KPNA6: variants seen among roughly 807,000 people sequenced by gnomAD.
The protein encoded by KPNA6 is karyopherin subunit alpha 6.
KPNA6 carries 9 observed loss-of-function variants against 72.0 expected under a neutral mutation model. The observed-to-expected ratio is 0.13, with a 90% confidence interval of 0.08 to 0.22. The LOEUF (loss-of-function observed/expected upper bound fraction) is 0.22, where lower values mean the gene tolerates loss of function less well. KPNA6 is among the 10% of genes least tolerant of loss of function. KPNA6 has a pLI of 1.00. For synonymous variants in KPNA6, 219 were observed against 242.1 expected, an observed-to-expected ratio of 0.90 and a Z score of 0.89; for missense variants, 374 against 655.7, an observed-to-expected ratio of 0.57 and a Z score of 4.69.
At chr1:32,129,679 C>T (rs896724053) in intron 1 of KPNA6, among the ~76,000 whole-genome samples, 3 of 152,072 alleles carry the variant, frequency 2.0e-5, no homozygotes, top group African/African-American at 4.8e-5. Context: ...CCTTAGCTTC[C>T]CAAGTAGCTG....
At chr1:32,111,257 C>T (rs1641239686) in intron 1 of KPNA6, among the ~76,000 whole-genome samples, 1 of 152,092 alleles carries the variant, frequency 6.6e-6, no homozygotes, top group Non-Finnish European at 1.5e-5. Flanking sequence ...ATAACACAGC[C>T]AGTAAGCCAC....
At chr1:32,137,711 A>G (rs1004225660) in intron 1 of KPNA6, among the ~76,000 whole-genome samples, 2 of 152,192 alleles carry the variant, frequency 1.3e-5, no homozygotes, top group South Asian at 2.1e-4. Context: ...GGTGTAAACT[A>G]AAATTTATTG....
At position 32,171,051 on chromosome 1, in the gene KPNA6, G is replaced by A; in HGVS notation, c.*157G>A. 1.6e-6 allele frequency: 1 copy of A among 642,162 alleles called. No homozygotes were observed. Among genetic ancestry groups the A allele is most frequent in the Non-Finnish European group, 2.7e-6 (1 of 371,834 alleles). The allele number at this position is 642,162 out of a possible 1,614,324, so 39.8% of individuals were successfully genotyped here. ...TTGACCTGCTCCGCCCCCTTCCCTGGAGGGAGCACCCTCTGGACAGACAGA... is the reference window on the plus strand; with the variant it reads ...TTGACCTGCTCCGCCCCCTTCCCTGAAGGGAGCACCCTCTGGACAGACAGA... On this transcript the variant is annotated 3_prime_UTR_variant, in exon 14 of 14. Coordinates refer to ENST00000373625, the MANE Select transcript of KPNA6 (RefSeq NM_012316.5).
At chr1:32,159,811 T>C (rs533220872) in intron 6 of KPNA6, among the ~76,000 whole-genome samples, 30 of 152,242 alleles carry the variant, frequency 2.0e-4, no homozygotes, top group African/African-American at 7.2e-4. Context: ...GGGTGGTTGA[T>C]GTGGAAAAAA....
At chr1:32,157,824 T>C (rs1214006563) in intron 4 of KPNA6, among the ~76,000 whole-genome samples, 1 of 152,206 alleles carries the variant, frequency 6.6e-6, no homozygotes, top group African/African-American at 2.4e-5. Context: ...TGTTCCCTCC[T>C]GTGTCCTCTG....
At position 32,170,926 on chromosome 1, in the gene KPNA6, A is replaced by C. The variant is rs375066203; in HGVS notation, c.*32A>C. ...CCTCCAGGGAGGGGAGGGGATGGGAAGCACCACCAGCCAGCGGAAGAGCAG... is the reference window on the plus strand; with the variant it reads ...CCTCCAGGGAGGGGAGGGGATGGGACGCACCACCAGCCAGCGGAAGAGCAG... On this transcript the variant is annotated 3_prime_UTR_variant, in exon 14 of 14. Coordinates refer to ENST00000373625, the MANE Select transcript of KPNA6 (RefSeq NM_012316.5). 1 of 1,597,600 alleles carries C rather than the reference A, an allele frequency of 6.3e-7. No homozygotes were observed. The highest frequency in any genetic ancestry group is 1.3e-5 in the African/African-American group (1 of 74,506).
At chr1:32,108,587 G>A (rs555610210) in intron 1 of KPNA6, among the ~76,000 whole-genome samples, 1 of 152,376 alleles carries the variant, frequency 6.6e-6, no homozygotes, top group Admixed American at 6.5e-5. Flanking sequence ...TACGTAGCGA[G>A]GTGGAGTCCT....
chr1:32,163,540 C>T (rs570653765), intron 10 of KPNA6, among the ~76,000 whole-genome samples: 6 of 152,242 alleles, frequency 3.9e-5, no homozygotes, highest in South Asian at 2.1e-4. Flanking sequence ...AACAAATCAT[C>T]GTCTAATGGG....
intron 7 of KPNA6, 101 bp from the exon 8 acceptor site, chr1:32,161,846 T>C: frequency 1.2e-6 from 1 of 831,228 alleles, no homozygotes; most frequent in Non-Finnish European, 2.0e-6. Flanking sequence ...AACAGGCTGC[T>C]AGAGTCTGAG....
intron 1 of KPNA6, among the ~76,000 whole-genome samples, chr1:32,148,363 C>T (rs1473718671): frequency 1.3e-5 from 2 of 151,810 alleles, no homozygotes; most frequent in African/African-American, 2.4e-5. Context: ...AGGCTGATCT[C>T]GAACTCCTGA....
At chr1:32,131,689 T>C (rs1404234878) in intron 1 of KPNA6, among the ~76,000 whole-genome samples, 1 of 147,550 alleles carries the variant, frequency 6.8e-6, no homozygotes, top group East Asian at 2.0e-4. Context: ...TGTGCGTGTG[T>C]ATATATATAT....
Position 32,171,855 on chromosome 1 carries a change from G to A in KPNA6, c.*961G>A, listed in dbSNP as rs1226805762. 2 of 152,132 alleles carry A rather than the reference G, an allele frequency of 1.3e-5. No individual in the cohort carries two copies. The highest frequency in any genetic ancestry group is 2.4e-5 in the African/African-American group (1 of 41,404). 9.4% of individuals were successfully genotyped at this position (152,132 alleles called of 1,614,324 possible). A position where few individuals can be genotyped will look rare whatever the true frequency, so the allele number is the denominator to read the frequency against. On this transcript the variant is annotated 3_prime_UTR_variant, in exon 14 of 14. Transcript: ENST00000373625. Reference sequence around the variant, plus strand: ...TTTTCTCCTAAGCTTGAGATAGGGGGCTGTGGTCCTTCCTTTCTCCTGAGG... The same window carrying A: ...TTTTCTCCTAAGCTTGAGATAGGGGACTGTGGTCCTTCCTTTCTCCTGAGG...
chr1:32,129,631 C>T (rs1482390869), intron 1 of KPNA6, among the ~76,000 whole-genome samples: 2 of 152,188 alleles, frequency 1.3e-5, no homozygotes, highest in African/African-American at 4.8e-5. Flanking sequence ...TCATAGCTCA[C>T]TGCAGCCTTG....
chr1:32,155,602 A>T lies in KPNA6; in HGVS notation c.138+881A>T, dbSNP rs1338993612. 1.4e-4 allele frequency among the ~76,000 whole-genome samples: 21 copies of T among 152,046 alleles called. 1 individual carries two copies. Among genetic ancestry groups the T allele is most frequent in the Admixed American group, 1.4e-3 (21 of 15,272 alleles). ...CGCCTCAGCCTCCCATAGTGCTGGG[A>T]TTACAGGCGTAAGCCACCACGCCCA... On this transcript the variant is annotated intron_variant, in intron 2 of 13. Coordinates refer to ENST00000373625, the MANE Select transcript of KPNA6 (RefSeq NM_012316.5).
intron 1 of KPNA6, among the ~76,000 whole-genome samples, chr1:32,134,637 CA>C (rs777730986): frequency 0.02 from 1,694 of 83,578 alleles, 14 homozygotes; most frequent in African/African-American, 0.062. Context: ...GAGTCTGTCT[CA>C]AAAAAAAAAA....
chr1:32,133,910 G>A (rs894312817), intron 1 of KPNA6, among the ~76,000 whole-genome samples: 6 of 150,858 alleles, frequency 4.0e-5, no homozygotes, highest in East Asian at 3.9e-4. Context: ...TGCAGCAGCC[G>A]GCATCTGTAA....
At chr1:32,142,723 T>C (rs1570034114) in intron 1 of KPNA6, among the ~76,000 whole-genome samples, 1 of 152,280 alleles carries the variant, frequency 6.6e-6, no homozygotes, top group East Asian at 1.9e-4. Flanking sequence ...AGTTTATTTG[T>C]ATTGTGAATT....
intron 1 of KPNA6, among the ~76,000 whole-genome samples, chr1:32,135,633 A>AT (rs746020031): frequency 0.021 from 2,535 of 121,338 alleles, 90 homozygotes; most frequent in African/African-American, 0.063. Flanking sequence ...ATGCTTGGCC[A>AT]TTTTTTTTTT....
intron 1 of KPNA6, among the ~76,000 whole-genome samples, chr1:32,128,133 A>G (rs1266364737): frequency 1.3e-5 from 2 of 151,910 alleles, no homozygotes; most frequent in Non-Finnish European, 2.9e-5. Flanking sequence ...CTAGAAAGGT[A>G]AGAGCCACCT....
Sources: gnomAD v4.1 joint callset for allele counts (sites outside exome capture counted in the v4.1 genomes callset) on GRCh38, gnomAD v4.1.1 for gene constraint, MANE v1.5 for transcripts, NCBI Gene and HGNC (gene_info 2026-07-23, HGNC 2026-07-21) for gene names.